Variants in AGBL1 observed in about 807,000 individuals in gnomAD.
AGBL1 encodes cytosolic carboxypeptidase 4.
AGBL1 carries 130 observed loss-of-function variants against 118.9 expected under a neutral mutation model. The observed-to-expected ratio is 1.09, with a 90% CI of 0.95 to 1.26. AGBL1 has a LOEUF of 1.26. Ranked by LOEUF, AGBL1 falls within the 50% of genes most tolerant of loss-of-function variation. The pLI, the probability that AGBL1 is intolerant of heterozygous loss-of-function variation, is 0.00. For missense variants in AGBL1, 1,584 were observed against 1,298.1 expected, an observed-to-expected ratio of 1.22 and a Z score of -3.38; for synonymous variants, 555 against 478.9, an observed-to-expected ratio of 1.16 and a Z score of -2.08.
intron 17 of AGBL1, among the ~76,000 whole-genome samples, chr15:86,394,280 C>A (rs536359200): frequency 1.3e-5 from 2 of 152,086 alleles, no homozygotes; most frequent in East Asian, 3.9e-4. Flanking sequence ...TTTCAGAATT[C>A]GTTTTATAAA....
chr15:86,101,344 A>G (rs1346285385), intron 1 of AGBL1, among the ~76,000 whole-genome samples: 1 of 152,056 alleles, frequency 6.6e-6, no homozygotes, highest in Non-Finnish European at 1.5e-5. Context: ...CTTGTGAATG[A>G]AATGGTCTGT....
At chr15:86,977,129 G>A (rs1408045100) in intron 23 of AGBL1, among the ~76,000 whole-genome samples, 5 of 151,712 alleles carry the variant, frequency 3.3e-5, no homozygotes, top group Non-Finnish European at 7.4e-5. Context: ...CATATTTCTG[G>A]TGCTATAAGT....
intron 1 of AGBL1, among the ~76,000 whole-genome samples, chr15:86,126,857 G>A (rs1222423967): frequency 6.6e-6 from 1 of 152,174 alleles, no homozygotes; most frequent in African/African-American, 2.4e-5. Context: ...TGGCCACATA[G>A]CACTGAGATT....
chr15:86,463,761 A>AT (rs1391528233), intron 18 of AGBL1, among the ~76,000 whole-genome samples: 1 of 151,862 alleles, frequency 6.6e-6, no homozygotes, highest in Non-Finnish European at 1.5e-5. Context: ...GAAGTGCGGC[A>AT]TTTTTTCCAA....
At chr15:86,370,916 G>A (rs2080962636) in intron 17 of AGBL1, among the ~76,000 whole-genome samples, 1 of 152,220 alleles carries the variant, frequency 6.6e-6, no homozygotes, top group Non-Finnish European at 1.5e-5. Context: ...TACACATAGT[G>A]CCTCTGCATG....
chr15:86,762,761 C>A (rs914535606), intron 22 of AGBL1, among the ~76,000 whole-genome samples: 4 of 151,948 alleles, frequency 2.6e-5, no homozygotes, highest in African/African-American at 9.7e-5. Flanking sequence ...TTTACTGTAG[C>A]TTCTGAATTC....
chr15:86,659,015 C>A (rs987866281), intron 21 of AGBL1, among the ~76,000 whole-genome samples: 1 of 152,018 alleles, frequency 6.6e-6, no homozygotes, highest in Non-Finnish European at 1.5e-5. Context: ...AGAGCAAAGG[C>A]GGGTATTCAC....
intron 1 of AGBL1, among the ~76,000 whole-genome samples, chr15:86,105,837 T>G (rs934205592): frequency 2.0e-5 from 3 of 152,246 alleles, no homozygotes; most frequent in Non-Finnish European, 4.4e-5. Context: ...GACTTTGTGG[T>G]CAATTTAACA....
At chr15:86,902,048 C>T (rs1165330859) in intron 22 of AGBL1, among the ~76,000 whole-genome samples, 1 of 151,802 alleles carries the variant, frequency 6.6e-6, no homozygotes, top group East Asian at 2.0e-4. Context: ...CAGGTTTGGG[C>T]TATTACAAAT....
intron 24 of AGBL1, among the ~76,000 whole-genome samples, chr15:87,015,742 C>T (rs556616673): frequency 6.6e-6 from 1 of 152,294 alleles, no homozygotes; most frequent in East Asian, 1.9e-4. Context: ...CCCCACACCC[C>T]TGCTATTGAT....
chr15:86,695,768 A>G (rs1217680807), intron 22 of AGBL1, among the ~76,000 whole-genome samples: 1 of 151,916 alleles, frequency 6.6e-6, no homozygotes, highest in Admixed American at 6.6e-5. Context: ...TCTTTGCTGT[A>G]TCTCAGAGGT....
chr15:86,970,531 T>C (rs751319172), intron 23 of AGBL1, among the ~76,000 whole-genome samples: 14 of 151,970 alleles, frequency 9.2e-5, no homozygotes, highest in Non-Finnish European at 1.6e-4. Flanking sequence ...AAAGTCATAG[T>C]GGTGGAGCAA....
In AGBL1 at chr15:86,561,733, G is replaced by A. The variant is rs1446870875; in HGVS notation, c.2994+7196G>A. ...GATGGGGATGACATTGAATCTATAA[G>A]TTACCTTGGGCAATATGGCCATTTT... On this transcript the variant is annotated intron_variant, in intron 21 of 22. Coordinates refer to ENST00000614907, the MANE Select transcript of AGBL1 (RefSeq NM_001386094.1). 5.3e-5 allele frequency among the ~76,000 whole-genome samples: 8 copies of A among 152,126 alleles called. 1 individual carries two copies. In the East Asian group the frequency reaches 1.5e-3, roughly 29 times the overall value.
chr15:86,488,664 G>T (rs1392122947), intron 18 of AGBL1, among the ~76,000 whole-genome samples: 1 of 151,786 alleles, frequency 6.6e-6, no homozygotes, highest in African/African-American at 2.4e-5. Flanking sequence ...CCTCTTCTAC[G>T]TTCCTCTTTT....
chr15:87,010,178 T>C (rs2701361), intron 24 of AGBL1, among the ~76,000 whole-genome samples: 79,966 of 151,888 alleles, frequency 0.53, 22,941 homozygotes, highest in South Asian at 0.72. Flanking sequence ...TGGGAGACAA[T>C]TGAATCATGG....
At chr15:86,315,612 G>A in intron 17 of AGBL1, among the ~76,000 whole-genome samples, 1 of 151,656 alleles carries the variant, frequency 6.6e-6, no homozygotes, top group East Asian at 1.9e-4. Context: ...CAGCTACTTG[G>A]GAGGCTGAGG....
chr15:86,534,112 T>A (rs796133362), intron 19 of AGBL1, among the ~76,000 whole-genome samples: 2,250 of 95,576 alleles, frequency 0.024, 26 homozygotes, highest in African/African-American at 0.05. Flanking sequence ...TAAAGTATAA[T>A]AAAAAAAAAA....
At chr15:86,780,126 T>G (rs1254280058) in intron 22 of AGBL1, among the ~76,000 whole-genome samples, 1 of 152,202 alleles carries the variant, frequency 6.6e-6, no homozygotes, top group African/African-American at 2.4e-5. Flanking sequence ...CACATTTAGG[T>G]CTATGATCCA....
At chr15:86,670,318 TA>T (rs1455380598) in intron 21 of AGBL1, among the ~76,000 whole-genome samples, 1 of 151,860 alleles carries the variant, frequency 6.6e-6, no homozygotes, top group Non-Finnish European at 1.5e-5. Flanking sequence ...AAGTTTAAAA[TA>T]AAGGCCGGGT....
Sources: allele counts gnomAD v4.1 joint callset (sites outside exome capture counted in the v4.1 genomes callset), GRCh38; gene constraint gnomAD v4.1.1; transcripts MANE v1.5; gene names NCBI Gene and HGNC (gene_info 2026-07-23, HGNC 2026-07-21).